DGKD: variants seen among roughly 807,000 people sequenced by gnomAD.
DGKD encodes diacylglycerol kinase delta.
A neutral mutation model predicts 154.4 loss-of-function variants in DGKD; 68 were observed. That is an observed-to-expected ratio of 0.44 (90% confidence interval 0.36 to 0.54). The LOEUF (loss-of-function observed/expected upper bound fraction) is 0.54, where lower values mean the gene tolerates loss of function less well. Ranked by LOEUF, DGKD falls within the 20% of genes least tolerant of loss-of-function variation. DGKD has a pLI of 0.00. For synonymous variants in DGKD, 693 were observed against 638.0 expected (o/e 1.09, Z -1.30); for missense variants, 1,343 against 1,593.6 (o/e 0.84, Z 2.68).
chr2:233,408,450 CT>C (rs2061740948), intron 3 of DGKD, among the ~76,000 whole-genome samples: 1 of 152,236 alleles, frequency 6.6e-6, no homozygotes, highest in Non-Finnish European at 1.5e-5. Flanking sequence ...CAAAAGTCCT[CT>C]TGAGTGTGAA....
chr2:233,359,890 A>G (rs1244947491), intron 1 of DGKD, among the ~76,000 whole-genome samples: 1 of 152,214 alleles, frequency 6.6e-6, no homozygotes, highest in African/African-American at 2.4e-5. Flanking sequence ...GGAGAGGGCC[A>G]GAATACTTTG....
intron 3 of DGKD, among the ~76,000 whole-genome samples, chr2:233,394,635 C>G (rs838720): frequency 0.33 from 49,127 of 149,170 alleles, 8,961 homozygotes; most frequent in Middle Eastern, 0.46. Context: ...TACCCCCCAC[C>G]CTTTTCCATC....
chr2:233,406,649 C>A (rs1371295762), intron 3 of DGKD, among the ~76,000 whole-genome samples: 1 of 152,146 alleles, frequency 6.6e-6, no homozygotes, highest in Non-Finnish European at 1.5e-5. Context: ...AAATTGGTTT[C>A]CACTGTAATC....
At chr2:233,394,025 C>T (rs1430640140) in intron 3 of DGKD, among the ~76,000 whole-genome samples, 1 of 152,074 alleles carries the variant, frequency 6.6e-6, no homozygotes. Context: ...TGTTCAAGTC[C>T]TCTTATGATC....
In DGKD at chr2:233,447,773, C is replaced by T. The variant is rs376947963; in HGVS notation, c.1420-314C>T. On this transcript the variant is annotated intron_variant, in intron 12 of 29. Coordinates refer to ENST00000264057, the MANE Select transcript of DGKD (RefSeq NM_152879.3). ...ACCTGGAGCCGACCCGCCAGCATGC[C>T]GCTGTCAGGATGAGTAGGGGTCAGG... 6.1e-5 allele frequency: 68 copies of T among 1,120,480 alleles called. No individual in the cohort carries two copies. The East Asian group carries it at 7.7e-4, about 13-fold the overall frequency. The allele number at this position is 1,120,480 out of a possible 1,614,324, so 69.4% of individuals were successfully genotyped here.
chr2:233,463,065 A>G (rs944694321), intron 26 of DGKD, among the ~76,000 whole-genome samples: 1 of 152,174 alleles, frequency 6.6e-6, no homozygotes, highest in African/African-American at 2.4e-5. Context: ...TTCCATGCTC[A>G]GCCCTGCAAA....
intron 7 of DGKD, 86 bp from the exon 8 acceptor site, chr2:233,437,291 C>A: frequency 7.8e-7 from 1 of 1,279,928 alleles, no homozygotes; most frequent in Non-Finnish European, 1.1e-6. Context: ...CCCCCGAGGC[C>A]AGCTCATCAG....
intron 18 of DGKD, among the ~76,000 whole-genome samples, chr2:233,453,293 C>CCCACTGCCCCAG (rs2063346497): frequency 2.0e-5 from 3 of 152,184 alleles, no homozygotes; most frequent in Admixed American, 6.5e-5. Flanking sequence ...CCTGTCCTCT[C>CCCACTGCCCCAG]CCACTGCCCC....
At position 233,454,775 on chromosome 2, in the gene DGKD, G is replaced by A. The variant is rs1296019180; in HGVS notation, c.2277G>A (p.Thr759=). The change falls in exon 19 of 30, where the codon ACG becomes ACA. Residue 759 remains threonine (T), a synonymous_variant. Transcript: ENST00000264057. ...NSEPETLEYY[T]EKCVMNNYFG... is the part of the protein sequence containing the mutation. ...CTCACCTTTGCAGAGAGTATTACAC[G>A]GAGAAATGTGTCATGAACAACTATT... The A allele has an allele frequency of 1.2e-5, 19 of 1,609,036 alleles. No homozygotes were observed. The highest frequency in any genetic ancestry group is 4.5e-5 in the East Asian group (2 of 44,856).
intron 29 of DGKD, 124 bp from the exon 30 acceptor site, chr2:233,469,247 G>A (rs1472022478): frequency 2.6e-6 from 2 of 766,260 alleles, no homozygotes. Flanking sequence ...TACCGTTTTT[G>A]TCATTTTGGC....
chr2:233,374,821 TTATA>T (rs1330232282), intron 1 of DGKD, among the ~76,000 whole-genome samples: 1 of 151,518 alleles, frequency 6.6e-6, no homozygotes, highest in Non-Finnish European at 1.5e-5. Context: ...TTAAAAGTTT[TTATA>T]GAGATAGAGT....
chr2:233,446,595 A>G (rs2063077729), intron 11 of DGKD, 117 bp from the exon 12 acceptor site: 6 of 1,034,800 alleles, frequency 5.8e-6, no homozygotes, highest in Admixed American at 4.7e-5. Flanking sequence ...GGGCCTAAAA[A>G]TGAAGTCAGA....
At chr2:233,467,529 C>T (rs188265754) in intron 28 of DGKD, among the ~76,000 whole-genome samples, 6 of 152,262 alleles carry the variant, frequency 3.9e-5, no homozygotes, top group South Asian at 2.1e-4. Flanking sequence ...GGACTCAGGC[C>T]GTGCTGGGGC....
At chr2:233,432,668 A>G (rs1575109394) in intron 3 of DGKD, among the ~76,000 whole-genome samples, 1 of 152,224 alleles carries the variant, frequency 6.6e-6, no homozygotes. Context: ...CAAAAAAACA[A>G]AACAAAACAA....
chr2:233,375,955 T>G (rs552134060), intron 1 of DGKD, among the ~76,000 whole-genome samples: 19 of 152,168 alleles, frequency 1.2e-4, no homozygotes, highest in Non-Finnish European at 2.5e-4. Flanking sequence ...CACTGTAGTA[T>G]TGCAAGCCAC....
At chr2:233,395,288 A>C (rs989981579) in intron 3 of DGKD, among the ~76,000 whole-genome samples, 3 of 152,158 alleles carry the variant, frequency 2.0e-5, no homozygotes, top group African/African-American at 7.2e-5. Flanking sequence ...TTCCCACTTC[A>C]GCCTTCTGGG....
Position 233,464,269 on chromosome 2 carries a change from C to T in DGKD, c.3292C>T (p.Pro1098Ser), listed in dbSNP as rs1377466634. The change falls in exon 27 of 30, where the codon CCC becomes TCC. Residue 1098 changes from proline to serine, a missense_variant. Physicochemically the swap from Pro to Ser is moderately conservative, Grantham distance 74. Coordinates refer to ENST00000264057, the MANE Select transcript of DGKD (RefSeq NM_152879.3). ...CCCGTGGCTCTGCCAGTCCGCAGAG[C>T]CCGGCGACGAAGAGGTATGTGGCTC... ...DTPWLCQSAE[P>S]GDEESVMLDL... 1.2e-6 allele frequency: 2 copies of T among 1,613,612 alleles called. No individual in the cohort carries two copies. Among genetic ancestry groups the T allele is most frequent in the Non-Finnish European group, 1.7e-6 (2 of 1,180,022 alleles).
chr2:233,393,901 C>T (rs1271286201), intron 3 of DGKD, among the ~76,000 whole-genome samples: 7 of 151,920 alleles, frequency 4.6e-5, no homozygotes, highest in African/African-American at 1.2e-4. Context: ...AGGCTGGTCT[C>T]GAACTCCTGA....
rs2124900377 is a variant in DGKD at position 233,454,846 on chromosome 2, A to G, written c.2348A>G (p.Lys783Arg). 6.2e-7 allele frequency: 1 copy of G among 1,613,874 alleles called. No individual in the cohort carries two copies. The highest frequency in any genetic ancestry group is 8.5e-7 in the Non-Finnish European group (1 of 1,179,744). The change falls in exon 19 of 30, where the codon AAG becomes AGG. Residue 783 changes from lysine (K) to arginine (R), a missense_variant. Physicochemically the swap from Lys to Arg is conservative, Grantham distance 26. Around this residue, in one of 6 missense-constraint regions of DGKD, gnomAD observed 60 missense variants for 112.4 expected, o/e 0.53. Transcript: ENST00000264057. ...DAKISLDFNN[K>R]RDEHPEKCRS... ...AAGATATCCCTGGACTTTAACAACA[A>G]GCGCGATGAGCACCCAGAGAAGTGC...
Sources: gnomAD v4.1 joint callset for allele counts (sites outside exome capture counted in the v4.1 genomes callset) on GRCh38, gnomAD v4.1.1 for gene constraint, gnomAD v4.1.1 regional missense constraint, MANE v1.5 for transcripts, NCBI Gene and HGNC (gene_info 2026-07-23, HGNC 2026-07-21) for gene names.